TWIST2: variants seen among roughly 807,000 people sequenced by gnomAD.
TWIST2 encodes twist family bHLH transcription factor 2.
A neutral mutation model predicts 11.6 loss-of-function variants in TWIST2; 1 was observed. The ratio of observed to expected loss-of-function variants is 0.09; its 90% CI spans 0.03 to 0.41. The LOEUF (loss-of-function observed/expected upper bound fraction) is 0.41. Among genes scored for constraint, TWIST2 ranks in the 10% least tolerant of loss-of-function variants. The pLI, the probability that TWIST2 is intolerant of heterozygous loss-of-function variation, is 0.98. For missense variants in TWIST2, 168 were observed against 226.4 expected, an observed-to-expected ratio of 0.74 and a Z score of 1.66; for synonymous variants, 87 against 96.6, an observed-to-expected ratio of 0.90 and a Z score of 0.58.
chr2:238,870,439 A>C lies in TWIST2; in HGVS notation c.*35+21706A>C, dbSNP rs984887340. Among the ~76,000 whole-genome samples the C allele has an allele frequency of 6.3e-3, 192 of 30,268 alleles. 5 individuals carry two copies. The highest frequency in any genetic ancestry group is 0.012 in the African/African-American group (69 of 5,578). The allele number at this position is 30,268 out of a possible 152,430, so 19.9% of individuals were successfully genotyped here. On this transcript the variant is annotated intron_variant, in intron 1 of 1. Coordinates refer to ENST00000612363, the MANE Select transcript of TWIST2 (RefSeq NM_001271893.4). ...CACACAAACCACACACCCTACACAC[A>C]CCACACACCCCACACACACCACACA... is the stretch of plus-strand genomic sequence containing the variant.
chr2:238,874,746 T>C (rs2106361676), intron 1 of TWIST2, among the ~76,000 whole-genome samples: 1 of 152,300 alleles, frequency 6.6e-6, no homozygotes, highest in East Asian at 1.9e-4. Flanking sequence ...TACCCAGGAT[T>C]CAGGTAGAAG....
chr2:238,855,666 A>G (rs990048366), intron 1 of TWIST2, among the ~76,000 whole-genome samples: 2 of 152,194 alleles, frequency 1.3e-5, no homozygotes, highest in African/African-American at 2.4e-5. Context: ...TAAAAACATG[A>G]TTAACTGAAG....
intron 1 of TWIST2, among the ~76,000 whole-genome samples, chr2:238,898,784 G>A (rs1278824975): frequency 2.0e-5 from 3 of 152,264 alleles, no homozygotes. Context: ...GCAAAGTCCT[G>A]GAGGGGAGGC....
At chr2:238,882,289 C>T (rs958036807) in intron 1 of TWIST2, among the ~76,000 whole-genome samples, 15 of 152,172 alleles carry the variant, frequency 9.9e-5, no homozygotes, top group African/African-American at 1.9e-4. Context: ...TTCCCGAGAG[C>T]GTGGGAGTCC....
In TWIST2 at chr2:238,889,450, C is replaced by A. The variant is rs181766993; in HGVS notation, c.*36-20392C>A. ...GGTGGGTGTGTATAATATGTGTATA[C>A]CAGATATATAAATATCAAAGACCCT... On this transcript the variant is annotated intron_variant, in intron 1 of 1. Transcript: ENST00000612363. Among the ~76,000 whole-genome samples the A allele has an allele frequency of 2.7e-3, 409 of 152,124 alleles. 2 individuals are homozygous for A. Among genetic ancestry groups the A allele is most frequent in the African/African-American group, 9.4e-3 (388 of 41,488 alleles).
intron 1 of TWIST2, among the ~76,000 whole-genome samples, chr2:238,908,320 TACAC>T (rs1278711470): frequency 1.6e-5 from 2 of 121,872 alleles, no homozygotes; most frequent in South Asian, 2.9e-4. Context: ...AGACACCACA[TACAC>T]ACACATACCA....
chr2:238,904,988 A>AGAAG (rs1693323464), intron 1 of TWIST2, among the ~76,000 whole-genome samples: 1 of 150,980 alleles, frequency 6.6e-6, no homozygotes, highest in Admixed American at 6.6e-5. Flanking sequence ...AAAGAAAAAA[A>AGAAG]GAAGAAAGAA....
chr2:238,855,760 C>T (rs768119338), intron 1 of TWIST2, among the ~76,000 whole-genome samples: 11 of 152,088 alleles, frequency 7.2e-5, no homozygotes, highest in Non-Finnish European at 1.5e-4. Flanking sequence ...CTCAGTCACA[C>T]GTGGAAATAC....
At chr2:238,880,074 G>A (rs948127094) in intron 1 of TWIST2, among the ~76,000 whole-genome samples, 1 of 152,118 alleles carries the variant, frequency 6.6e-6, no homozygotes, top group African/African-American at 2.4e-5. Flanking sequence ...TATTAGTGTT[G>A]GTGTTAGTTT....
At chr2:238,880,258 G>A (rs889138270) in intron 1 of TWIST2, among the ~76,000 whole-genome samples, 3 of 150,794 alleles carry the variant, frequency 2.0e-5, no homozygotes, top group Admixed American at 6.6e-5. Flanking sequence ...AGTATTTATT[G>A]GTATTAGTGT....
At chr2:238,874,241 C>T (rs796095156) in intron 1 of TWIST2, among the ~76,000 whole-genome samples, 9 of 152,188 alleles carry the variant, frequency 5.9e-5, no homozygotes, top group South Asian at 2.1e-4. Context: ...CTTGGGAACA[C>T]GGCTACCCAG....
intron 1 of TWIST2, among the ~76,000 whole-genome samples, chr2:238,882,902 G>A (rs552433317): frequency 1.1e-3 from 167 of 152,250 alleles, no homozygotes; most frequent in South Asian, 2.1e-3. Flanking sequence ...GCAGATGACC[G>A]TGGTCCAGGT....
At chr2:238,883,574 C>G (rs975448984) in intron 1 of TWIST2, among the ~76,000 whole-genome samples, 1 of 152,144 alleles carries the variant, frequency 6.6e-6, no homozygotes, top group Admixed American at 6.5e-5. Context: ...TCCTTTAACT[C>G]CAATAGAAGG....
chr2:238,878,189 C>G (rs934686980), intron 1 of TWIST2, among the ~76,000 whole-genome samples: 6 of 152,170 alleles, frequency 3.9e-5, no homozygotes, highest in Admixed American at 6.5e-5. Context: ...CCCTCTCCCC[C>G]ACTGTACCCC....
intron 1 of TWIST2, among the ~76,000 whole-genome samples, chr2:238,893,326 T>A (rs1313082073): frequency 1.3e-5 from 2 of 152,230 alleles, no homozygotes; most frequent in Non-Finnish European, 2.9e-5. Flanking sequence ...TTTTTCAAGA[T>A]TAATTTGAAG....
At chr2:238,902,054 A>G (rs1693273988) in intron 1 of TWIST2, among the ~76,000 whole-genome samples, 1 of 152,174 alleles carries the variant, frequency 6.6e-6, no homozygotes, top group Admixed American at 6.5e-5. Context: ...TGTCCTGGAC[A>G]TCCGCTCCAT....
chr2:238,863,040 T>G lies in TWIST2; in HGVS notation c.*35+14307T>G, dbSNP rs1483805071. Among the ~76,000 whole-genome samples the G allele has an allele frequency of 1.3e-4, 5 of 39,312 alleles. No homozygotes were observed. The East Asian group carries it at 1.7e-3, about 13-fold the overall frequency. The allele number at this position is 39,312 out of a possible 152,430, so 25.8% of individuals were successfully genotyped here. A position where few individuals can be genotyped will look rare whatever the true frequency, so the allele number is the denominator to read the frequency against. Reference sequence around the variant, plus strand: ...GAAAGAGCTTCCTTTCCTTCTTATGTTTTTTTTTTTTTAATTTCTAGATTT... The same window carrying G: ...GAAAGAGCTTCCTTTCCTTCTTATGGTTTTTTTTTTTTAATTTCTAGATTT... On this transcript the variant is annotated intron_variant, in intron 1 of 1. Transcript: ENST00000612363. The surrounding 1 kb of genome is among the most constrained non-coding windows in gnomAD (Gnocchi z 4.7).
Position 238,848,257 on chromosome 2 carries a change from C to G in TWIST2, c.42C>G (p.Ser14Arg). The G allele has an allele frequency of 6.6e-7, 1 of 1,523,088 alleles. No individual in the cohort carries two copies. Among genetic ancestry groups the G allele is most frequent in the Non-Finnish European group, 8.8e-7 (1 of 1,138,174 alleles). 94.3% of individuals were successfully genotyped at this position (1,523,088 alleles called of 1,614,324 possible). The change falls in exon 1 of 2, where the codon AGC becomes AGG. Residue 14 changes from serine (S) to arginine (R), a missense_variant. By Grantham distance (110) the Ser-to-Arg change is moderately radical. Transcript: ENST00000612363. ...GCTCGCCCGTGTCCCCCGTGGACAG[C>G]CTGGGCACCAGCGAGGAGGAGCTCG... is the stretch of plus-strand genomic sequence containing the variant. ...GSSSPVSPVD[S>R]LGTSEEELER...
intron 1 of TWIST2, among the ~76,000 whole-genome samples, chr2:238,856,127 G>A (rs1692325068): frequency 6.6e-6 from 1 of 152,132 alleles, no homozygotes; most frequent in African/African-American, 2.4e-5. Context: ...CCCCGAGGTA[G>A]GGTCAGGAGA....
Sources: allele counts gnomAD v4.1 joint callset (sites outside exome capture counted in the v4.1 genomes callset), GRCh38; gene constraint gnomAD v4.1.1; non-coding constraint Gnocchi (gnomAD v3.1); transcripts MANE v1.5; gene names NCBI Gene and HGNC (gene_info 2026-07-23, HGNC 2026-07-21).